Variants in CA10 observed in about 807,000 individuals in gnomAD.
The protein encoded by CA10 is carbonic anhydrase 10 (inactive), also known as carbonic anhydrase-related protein 10.
CA10 carries 14 observed loss-of-function variants against 44.2 expected under a neutral mutation model. The observed-to-expected ratio is 0.32, with a 90% CI of 0.21 to 0.50. The LOEUF is 0.50. Ranked by LOEUF, CA10 falls within the 20% of genes least tolerant of loss-of-function variation. The pLI is 0.99. For synonymous variants in CA10, 159 were observed against 141.6 expected (o/e 1.12, Z -0.87); for missense variants, 350 against 409.7 (o/e 0.85, Z 1.26).
intron 1 of CA10, among the ~76,000 whole-genome samples, chr17:52,138,582 G>C (rs1164938881): frequency 6.6e-6 from 1 of 152,186 alleles, no homozygotes; most frequent in Non-Finnish European, 1.5e-5. Flanking sequence ...GTTCTAAAGT[G>C]AACAGCATGA....
intron 3 of CA10, among the ~76,000 whole-genome samples, chr17:51,819,712 T>C (rs1348924654): frequency 3.3e-5 from 5 of 152,226 alleles, no homozygotes; most frequent in Admixed American, 6.5e-5. Flanking sequence ...GAGGAAGTAG[T>C]GCAGGTGGGA....
At chr17:52,117,384 C>A (rs147106113) in intron 1 of CA10, among the ~76,000 whole-genome samples, 1 of 152,272 alleles carries the variant, frequency 6.6e-6, no homozygotes, top group East Asian at 1.9e-4. Context: ...GTTTATTGGG[C>A]CCTGGAAACA....
At chr17:51,731,418 C>T (rs956045701) in intron 4 of CA10, among the ~76,000 whole-genome samples, 1 of 152,078 alleles carries the variant, frequency 6.6e-6, no homozygotes, top group South Asian at 2.1e-4. Context: ...AATGAGTAAT[C>T]TGGAACAATA....
At chr17:51,896,087 T>C (rs73348426) in intron 3 of CA10, among the ~76,000 whole-genome samples, 4,378 of 152,168 alleles carry the variant, frequency 0.029, 199 homozygotes, top group African/African-American at 0.098. Flanking sequence ...TTTTATTTAT[T>C]TATTCTAAGC....
chr17:52,014,587 T>C (rs891424294), intron 2 of CA10, among the ~76,000 whole-genome samples: 3 of 151,966 alleles, frequency 2.0e-5, no homozygotes, highest in Non-Finnish European at 4.4e-5. Context: ...ACAAAATCTA[T>C]CAGCTATCAT....
intron 1 of CA10, among the ~76,000 whole-genome samples, chr17:52,096,947 T>C (rs1988416491): frequency 6.6e-6 from 1 of 152,254 alleles, no homozygotes; most frequent in African/African-American, 2.4e-5. Flanking sequence ...AATGATACAA[T>C]TCATTCATTT....
chr17:51,789,767 C>T (rs1419800749), intron 3 of CA10, among the ~76,000 whole-genome samples: 1 of 152,210 alleles, frequency 6.6e-6, no homozygotes, highest in East Asian at 1.9e-4. Flanking sequence ...CACTTAGAAA[C>T]TCATTTTCCA....
chr17:52,090,147 G>A (rs1279465633), intron 1 of CA10, among the ~76,000 whole-genome samples: 1 of 152,106 alleles, frequency 6.6e-6, no homozygotes, highest in Non-Finnish European at 1.5e-5. Context: ...GAAGGGAAGA[G>A]TAAGATAGAT....
At chr17:51,704,052 G>T (rs775472946) in intron 4 of CA10, among the ~76,000 whole-genome samples, 8 of 152,152 alleles carry the variant, frequency 5.3e-5, no homozygotes, top group African/African-American at 1.9e-4. Context: ...GATCTCTTTC[G>T]ATTGTTTCTA....
intron 1 of CA10, among the ~76,000 whole-genome samples, chr17:52,125,853 C>T (rs1989107074): frequency 6.6e-6 from 1 of 151,976 alleles, no homozygotes; most frequent in Non-Finnish European, 1.5e-5. Flanking sequence ...TTGAGGGTGA[C>T]TGATGCTATT....
Position 51,630,501 on chromosome 17 carries a change from C to G in CA10, c.*1083G>C, listed in dbSNP as rs1414319695. On this transcript the variant is annotated 3_prime_UTR_variant, in exon 9 of 9. Coordinates refer to ENST00000451037, the MANE Select transcript of CA10 (RefSeq NM_020178.5). Reference sequence around the variant, plus strand: ...AGTGCATTCCTTCACGGGAGCATCACAGGGGGGCATGGCAGTTTTGAAACG... The same window carrying G: ...AGTGCATTCCTTCACGGGAGCATCAGAGGGGGGCATGGCAGTTTTGAAACG... 1 of 152,628 alleles carries G rather than the reference C, an allele frequency of 6.6e-6. No homozygotes were observed. Among genetic ancestry groups the G allele is most frequent in the Non-Finnish European group, 1.5e-5 (1 of 68,048 alleles). 9.5% of individuals were successfully genotyped at this position (152,628 alleles called of 1,614,324 possible). A position where few individuals can be genotyped will look rare whatever the true frequency, so the allele number is the denominator to read the frequency against.
chr17:52,100,800 C>T (rs1988519894), intron 1 of CA10, among the ~76,000 whole-genome samples: 1 of 152,146 alleles, frequency 6.6e-6, no homozygotes, highest in Non-Finnish European at 1.5e-5. Context: ...ATCAGTATCA[C>T]CCACCATCGA....
intron 4 of CA10, among the ~76,000 whole-genome samples, chr17:51,728,985 C>G (rs1022748449): frequency 6.6e-6 from 1 of 152,062 alleles, no homozygotes; most frequent in Non-Finnish European, 1.5e-5. Context: ...CATGAAAAGA[C>G]CAGGGGGAGG....
At chr17:51,749,774 G>A (rs1427634056) in intron 3 of CA10, among the ~76,000 whole-genome samples, 1 of 152,230 alleles carries the variant, frequency 6.6e-6, no homozygotes, top group Non-Finnish European at 1.5e-5. Context: ...AGAGAGGACT[G>A]AGGCAGATGT....
chr17:51,931,215 T>C, intron 2 of CA10, 83 bp from the exon 3 acceptor site: 4 of 1,359,954 alleles, frequency 2.9e-6, no homozygotes, highest in Non-Finnish European at 4.1e-6. Flanking sequence ...TGTACAAACG[T>C]GGTAAAATGG....
intron 3 of CA10, among the ~76,000 whole-genome samples, chr17:51,842,246 T>G (rs1381367416): frequency 1.3e-5 from 2 of 152,226 alleles, no homozygotes; most frequent in Non-Finnish European, 1.5e-5. Context: ...AACACTTATT[T>G]TTTTTAAAGA....
chr17:51,987,649 A>G lies in CA10; in HGVS notation c.137-56517T>C, dbSNP rs535999886. On this transcript the variant is annotated intron_variant, in intron 2 of 8. Transcript: ENST00000451037. ...TGTGCCAGATAAAAGCAGAAAATAA[A>G]AAAAAGACAGAAAAACTGCAGATCT... 3.7e-4 allele frequency among the ~76,000 whole-genome samples: 57 copies of G among 152,210 alleles called. 1 individual carries two copies. Among genetic ancestry groups the G allele is most frequent in the African/African-American group, 1.0e-3 (43 of 41,572 alleles).
At chr17:51,960,644 A>G (rs1311756376) in intron 2 of CA10, among the ~76,000 whole-genome samples, 1 of 152,198 alleles carries the variant, frequency 6.6e-6, no homozygotes, top group African/African-American at 2.4e-5. Flanking sequence ...ATATTAACCA[A>G]AAACATTCTT....
chr17:52,060,112 G>T (rs77143956), intron 2 of CA10, among the ~76,000 whole-genome samples: 1 of 151,958 alleles, frequency 6.6e-6, no homozygotes, highest in African/African-American at 2.4e-5. Context: ...TTGATATCAC[G>T]TACCCTCTGA....
Sources: allele counts gnomAD v4.1 joint callset (sites outside exome capture counted in the v4.1 genomes callset), GRCh38; gene constraint gnomAD v4.1.1; transcripts MANE v1.5; gene names NCBI Gene and HGNC (gene_info 2026-07-23, HGNC 2026-07-21).